Variants in RAB30 observed in about 807,000 individuals in gnomAD.
RAB30 encodes the protein ras-related protein Rab-30.
RAB30 carries 9 observed loss-of-function variants against 25.1 expected under a neutral mutation model. The observed-to-expected ratio is 0.36, with a 90% CI of 0.22 to 0.63. RAB30 has a LOEUF of 0.63. RAB30 is among the 20% of genes least tolerant of loss of function. RAB30 has a pLI of 0.69. For synonymous variants in RAB30, 77 were observed against 86.4 expected (o/e 0.89, Z 0.60); for missense variants, 140 against 243.5 (o/e 0.58, Z 2.83).
chr11:83,022,282 C>T (rs1857598529), intron 1 of RAB30, among the ~76,000 whole-genome samples: 1 of 152,146 alleles, frequency 6.6e-6, no homozygotes, highest in Non-Finnish European at 1.5e-5. Flanking sequence ...ACCTCAGCCT[C>T]CCTTGTAGCT....
chr11:83,014,126 A>G (rs1272925910), intron 1 of RAB30, among the ~76,000 whole-genome samples: 1 of 152,246 alleles, frequency 6.6e-6, no homozygotes, highest in African/African-American at 2.4e-5. Flanking sequence ...ATAAGCATAT[A>G]CACAAATAAA....
chr11:83,022,967 A>T (rs1336673886), intron 1 of RAB30, among the ~76,000 whole-genome samples: 1 of 107,168 alleles, frequency 9.3e-6, no homozygotes, highest in African/African-American at 4.0e-5. Flanking sequence ...ATGCATATGT[A>T]TGTATGTGTA....
In RAB30 at chr11:82,976,749, C is replaced by T. The variant is rs558732517; in HGVS notation, c.*5416G>A. The stretch of plus-strand genomic sequence containing the variant: ...ACAAAACAAAACCATAAAAAAAGAC[C>T]AATGAAGAGCCGTCTATCAGCCTTG... On this transcript the variant is annotated 3_prime_UTR_variant, in exon 5 of 5. Coordinates refer to ENST00000527633, the MANE Select transcript of RAB30 (RefSeq NM_001286060.2). 1.8e-4 allele frequency: 28 copies of T among 152,062 alleles called. No individual in the cohort carries two copies. Among genetic ancestry groups the T allele is most frequent in the Middle Eastern group, 3.4e-3 (1 of 294 alleles). The allele number at this position is 152,062 out of a possible 1,614,324, so 9.4% of individuals were successfully genotyped here. A position where few individuals can be genotyped will look rare whatever the true frequency, so the allele number is the denominator to read the frequency against.
intron 1 of RAB30, among the ~76,000 whole-genome samples, chr11:83,002,024 G>T (rs1328593673): frequency 6.6e-6 from 1 of 152,162 alleles, no homozygotes; most frequent in Non-Finnish European, 1.5e-5. Flanking sequence ...CTGAGACAGA[G>T]ATATCATCCT....
At chr11:83,061,710 C>CTTTTTTTTTTTTTTT (rs569263010) in intron 1 of RAB30, among the ~76,000 whole-genome samples, 1 of 79,906 alleles carries the variant, frequency 1.3e-5, no homozygotes, top group Non-Finnish European at 2.3e-5. Flanking sequence ...TCTTTCTTTT[C>CTTTTTTTTTTTTTTT]TTTTTTTTTT....
At chr11:83,061,203 T>C (rs1770788845) in intron 1 of RAB30, among the ~76,000 whole-genome samples, 1 of 152,118 alleles carries the variant, frequency 6.6e-6, no homozygotes, top group African/African-American at 2.4e-5. Flanking sequence ...CCCTAACAAA[T>C]CTCTTCCCAC....
At chr11:83,031,075 G>C (rs207472083) in intron 1 of RAB30, among the ~76,000 whole-genome samples, 1 of 152,222 alleles carries the variant, frequency 6.6e-6, no homozygotes, top group Admixed American at 6.5e-5. Flanking sequence ...GGTGGAAAGA[G>C]GGCAGCCATC....
rs543466030 is a variant in RAB30, at chr11:82,994,411, A to G, written c.94-289T>C. Among the ~76,000 whole-genome samples, 5 of 152,334 alleles carry G rather than the reference A, an allele frequency of 3.3e-5. No individual in the cohort carries two copies. In the South Asian group the frequency reaches 1.0e-3, roughly 32 times the overall value. On this transcript the variant is annotated intron_variant, in intron 2 of 4. Coordinates refer to ENST00000527633, the MANE Select transcript of RAB30 (RefSeq NM_001286060.2). ...GACAGGTGAAGGAGAAAATTGAGAA[A>G]GGGCAGGGGAACCTGATTTTAAGAA...
At chr11:83,052,110 G>A (rs1187713798) in intron 1 of RAB30, among the ~76,000 whole-genome samples, 2 of 152,206 alleles carry the variant, frequency 1.3e-5, no homozygotes, top group Non-Finnish European at 2.9e-5. Flanking sequence ...GACAGAGCAG[G>A]CCTCCTGCTC....
chr11:83,020,447 G>A lies in RAB30; in HGVS notation c.-8-23123C>T, dbSNP rs1191945745. Among the ~76,000 whole-genome samples the A allele has an allele frequency of 3.9e-5, 6 of 152,372 alleles. No individual in the cohort carries two copies. The South Asian group carries it at 1.2e-3, about 32-fold the overall frequency. ...AAACATGGGAAAAAGCCAAGGTGGG[G>A]GCTGAGGGCGGCTCTGCGCTGGCCT... On this transcript the variant is annotated intron_variant, in intron 1 of 4. Transcript: ENST00000527633.
At chr11:83,041,313 C>T (rs192332653) in intron 1 of RAB30, 24 of 181,136 alleles carry the variant, frequency 1.3e-4, no homozygotes, top group Middle Eastern at 3.0e-3. Context: ...TCACATGCTC[C>T]TGGTTCTATA....
rs1323891097 is a variant in RAB30, at chr11:82,978,898, T to G, written c.*3267A>C. On this transcript the variant is annotated 3_prime_UTR_variant, in exon 5 of 5. Transcript: ENST00000527633. The stretch of plus-strand genomic sequence containing the variant: ...AATCAGAACTTGACACATTGTCAAA[T>G]CAACCCATTTAACTTTCATTTTTAG... The G allele has an allele frequency of 6.6e-6, 1 of 152,194 alleles. No homozygotes were observed. The highest frequency in any genetic ancestry group is 2.4e-5 in the African/African-American group (1 of 41,444). The allele number at this position is 152,194 out of a possible 1,614,324, so 9.4% of individuals were successfully genotyped here. A position where few individuals can be genotyped will look rare whatever the true frequency, so the allele number is the denominator to read the frequency against.
intron 1 of RAB30, among the ~76,000 whole-genome samples, chr11:83,068,128 A>C (rs1488029744): frequency 2.6e-5 from 4 of 151,080 alleles, no homozygotes; most frequent in Non-Finnish European, 5.9e-5. Flanking sequence ...TGTCTCAAAA[A>C]AAAAAAAAAA....
At chr11:83,034,821 C>T (rs1342736916) in intron 1 of RAB30, 1 of 151,846 alleles carries the variant, frequency 6.6e-6, no homozygotes, top group Non-Finnish European at 1.5e-5. Flanking sequence ...CAGAGAGGTT[C>T]CATAACTTGT....
intron 1 of RAB30, among the ~76,000 whole-genome samples, chr11:83,042,481 G>C (rs1565287238): frequency 6.6e-6 from 1 of 151,960 alleles, no homozygotes; most frequent in Non-Finnish European, 1.5e-5. Context: ...TTGAACCCAG[G>C]AGGCAGAGGT....
At chr11:83,006,474 A>G (rs541969470) in intron 1 of RAB30, among the ~76,000 whole-genome samples, 4 of 152,306 alleles carry the variant, frequency 2.6e-5, no homozygotes, top group African/African-American at 9.6e-5. Flanking sequence ...ATATGATTCT[A>G]TATCTGTATA....
intron 4 of RAB30, among the ~76,000 whole-genome samples, chr11:82,984,581 G>T (rs994793945): frequency 6.6e-6 from 1 of 152,032 alleles, no homozygotes; most frequent in East Asian, 1.9e-4. Flanking sequence ...CTTGTGAGTC[G>T]GAACGCTAGC....
At chr11:83,023,957 C>T (rs954577729) in intron 1 of RAB30, among the ~76,000 whole-genome samples, 5 of 152,144 alleles carry the variant, frequency 3.3e-5, no homozygotes, top group African/African-American at 1.2e-4. Flanking sequence ...TTTGGTTCTC[C>T]CACAATACCT....
chr11:83,070,883 G>T (rs1328075369), intron 1 of RAB30, among the ~76,000 whole-genome samples: 1 of 152,198 alleles, frequency 6.6e-6, no homozygotes, highest in Non-Finnish European at 1.5e-5. Flanking sequence ...TTATTTGTGA[G>T]TAGTGACTAT....
Sources: allele counts gnomAD v4.1 joint callset (sites outside exome capture counted in the v4.1 genomes callset), GRCh38; gene constraint gnomAD v4.1.1; transcripts MANE v1.5; gene names NCBI Gene and HGNC (gene_info 2026-07-23, HGNC 2026-07-21).